Variants in TUSC3 observed in about 807,000 individuals in gnomAD.
TUSC3 encodes tumor suppressor candidate 3.
TUSC3 carries 45 observed loss-of-function variants against 44.8 expected under a neutral mutation model. The observed-to-expected ratio is 1.00, with a 90% CI of 0.79 to 1.29. TUSC3 has a LOEUF of 1.29. Ranked by LOEUF, TUSC3 falls within the 50% of genes most tolerant of loss-of-function variation. The probability of loss-of-function intolerance (pLI) is 0.00; values close to 1 mark genes in which losing one functional copy is unlikely to be tolerated. For missense variants in TUSC3, 519 were observed against 437.9 expected, an observed-to-expected ratio of 1.19 and a Z score of -1.65; for synonymous variants, 212 against 152.9, an observed-to-expected ratio of 1.39 and a Z score of -2.85.
At chr8:15,505,350 T>C (rs1003163453) in intron 2 of TUSC3, among the ~76,000 whole-genome samples, 17 of 152,250 alleles carry the variant, frequency 1.1e-4, no homozygotes, top group African/African-American at 4.1e-4. Context: ...TGTGTTATAA[T>C]GGCATTGTGC....
intron 6 of TUSC3, among the ~76,000 whole-genome samples, chr8:15,701,506 G>A (rs1478827500): frequency 1.3e-5 from 2 of 152,074 alleles, no homozygotes; most frequent in African/African-American, 2.4e-5. Context: ...TTTTGTAGTC[G>A]ATATAGTAGC....
intron 8 of TUSC3, among the ~76,000 whole-genome samples, chr8:15,745,989 T>G (rs1345500551): frequency 6.6e-6 from 1 of 152,140 alleles, no homozygotes; most frequent in Non-Finnish European, 1.5e-5. Context: ...GGCTAGCCAG[T>G]TATCCCAGCA....
intron 6 of TUSC3, among the ~76,000 whole-genome samples, chr8:15,714,881 T>G (rs1018660296): frequency 6.6e-6 from 1 of 152,172 alleles, no homozygotes; most frequent in Non-Finnish European, 1.5e-5. Flanking sequence ...ATTTTATTAT[T>G]AATAGCTCTC....
At chr8:15,598,723 A>G (rs1413604105) in intron 1 of TUSC3, among the ~76,000 whole-genome samples, 1 of 151,590 alleles carries the variant, frequency 6.6e-6, no homozygotes, top group African/African-American at 2.4e-5. Flanking sequence ...GGCCTCTTTC[A>G]CTTAGTAATG....
intron 10 of TUSC3, among the ~76,000 whole-genome samples, chr8:15,759,338 G>A (rs1362850638): frequency 6.6e-6 from 1 of 152,028 alleles, no homozygotes; most frequent in Non-Finnish European, 1.5e-5. Context: ...AGAACAGGAA[G>A]AGCAGTGCAC....
chr8:15,517,001 G>C (rs932096781), intron 2 of TUSC3, among the ~76,000 whole-genome samples: 2 of 152,120 alleles, frequency 1.3e-5, no homozygotes, highest in Non-Finnish European at 2.9e-5. Context: ...GAAATAAGAA[G>C]TTCCTCAAAG....
chr8:15,613,784 C>A (rs1274119654), intron 1 of TUSC3, among the ~76,000 whole-genome samples: 1 of 152,130 alleles, frequency 6.6e-6, no homozygotes, highest in African/African-American at 2.4e-5. Flanking sequence ...TCTCCTTTAA[C>A]TTTAACATTC....
In TUSC3 at chr8:15,501,521, A is replaced by G. The variant is rs903141475; in HGVS notation, n.189+18038A>G. On this transcript the variant is annotated intron_variant and non_coding_transcript_variant, in intron 2 of 5. Transcript: ENST00000503191. ...TACTGTAGCTGCATAGTAAATGTTT[A>G]TTGAATCTGGAATCATGGTAGGTTT... is the stretch of plus-strand genomic sequence containing the variant. Among the ~76,000 whole-genome samples the G allele has an allele frequency of 2.0e-5, 3 of 152,208 alleles. No homozygotes were observed. In the East Asian group the frequency reaches 5.8e-4, roughly 29 times the overall value.
At chr8:15,749,929 ATGT>A (rs1811620598) in intron 9 of TUSC3, among the ~76,000 whole-genome samples, 1 of 149,088 alleles carries the variant, frequency 6.7e-6, no homozygotes, top group Middle Eastern at 3.5e-3. Context: ...TTCAAAGGAA[ATGT>A]TGTATCTCTT....
chr8:15,585,975 G>A (rs1803584282), intron 1 of TUSC3, among the ~76,000 whole-genome samples: 1 of 152,168 alleles, frequency 6.6e-6, no homozygotes, highest in Non-Finnish European at 1.5e-5. Flanking sequence ...GAAGATGGCT[G>A]AAGGAAATGG....
intron 2 of TUSC3, among the ~76,000 whole-genome samples, chr8:15,625,645 G>A (rs979220185): frequency 7.9e-5 from 12 of 152,140 alleles, no homozygotes; most frequent in African/African-American, 2.7e-4. Context: ...CTTGGTTTAG[G>A]CTTCTAAATC....
At chr8:15,691,580 C>G (rs1426714386) in intron 6 of TUSC3, among the ~76,000 whole-genome samples, 2 of 152,236 alleles carry the variant, frequency 1.3e-5, no homozygotes, top group Admixed American at 1.3e-4. Context: ...GCATCTTTAT[C>G]TTGTTCCAGC....
intron 1 of TUSC3, among the ~76,000 whole-genome samples, chr8:15,427,419 G>T (rs1033583950): frequency 8.6e-5 from 13 of 151,984 alleles, no homozygotes; most frequent in African/African-American, 3.1e-4. Flanking sequence ...CCAGGGAAAG[G>T]CAGTCTCCAA....
chr8:15,740,920 AC>A, intron 7 of TUSC3, among the ~76,000 whole-genome samples: 1 of 152,328 alleles, frequency 6.6e-6, no homozygotes, highest in African/African-American at 2.4e-5. Flanking sequence ...GTATACTCTT[AC>A]GAAAATGTAC....
intron 1 of TUSC3, among the ~76,000 whole-genome samples, chr8:15,600,047 AT>A (rs1166901547): frequency 1.3e-5 from 2 of 151,630 alleles, no homozygotes; most frequent in Non-Finnish European, 3.0e-5. Context: ...TGTACCTTTT[AT>A]TTCATTTTCT....
the TUSC3 span, among the ~76,000 whole-genome samples, chr8:15,820,543 C>G: frequency 1.6e-3 from 249 of 152,236 alleles, no homozygotes; most frequent in Non-Finnish European, 2.2e-3. Context: ...TGGTCTCGAT[C>G]TCTTGACCTC....
At chr8:15,823,824 T>C in the TUSC3 span, among the ~76,000 whole-genome samples, 1 of 152,194 alleles carries the variant, frequency 6.6e-6, no homozygotes, top group African/African-American at 2.4e-5. Context: ...CCTGTCTTAT[T>C]GGTATATGAG....
the TUSC3 span, among the ~76,000 whole-genome samples, chr8:15,788,440 G>C: frequency 6.6e-6 from 1 of 151,798 alleles, no homozygotes; most frequent in African/African-American, 2.4e-5. Flanking sequence ...GCAGCTACTT[G>C]GGAGGCTGAG....
intron 1 of TUSC3, among the ~76,000 whole-genome samples, chr8:15,586,771 G>C (rs1803621056): frequency 6.6e-6 from 1 of 152,142 alleles, no homozygotes; most frequent in South Asian, 2.1e-4. Flanking sequence ...AAGCATTTGG[G>C]GAGCAGGATC....
Sources: gnomAD v4.1 joint callset for allele counts (sites outside exome capture counted in the v4.1 genomes callset) on GRCh38, gnomAD v4.1.1 for gene constraint, MANE v1.5 for transcripts, NCBI Gene and HGNC (gene_info 2026-07-23, HGNC 2026-07-21) for gene names.